WDR20: variants seen among roughly 807,000 people sequenced by gnomAD.
WDR20 encodes WD repeat domain 20, also known as WD repeat-containing protein 20.
In WDR20, 3 loss-of-function variants were observed where a neutral mutation model predicts 38.7. The observed-to-expected ratio is 0.08, with a 90% confidence interval of 0.04 to 0.20. The LOEUF is 0.20. Ranked by LOEUF, WDR20 falls within the 10% of genes least tolerant of loss-of-function variation. WDR20 has a pLI of 1.00. For missense variants in WDR20, 559 were observed against 727.7 expected (o/e 0.77, Z 2.67); for synonymous variants, 298 against 285.6 (o/e 1.04, Z -0.44).
At chr14:102,219,342 G>A (rs1052970135), downstream of WDR20, among the ~76,000 whole-genome samples, 4 of 152,222 alleles carry the variant, frequency 2.6e-5, no homozygotes, top group African/African-American at 7.2e-5. Context: ...CCAGTGACTC[G>A]CACAAGTCCT....
At chr14:102,190,818 T>C (rs1441524676) in intron 1 of WDR20, among the ~76,000 whole-genome samples, 3 of 151,954 alleles carry the variant, frequency 2.0e-5, no homozygotes, top group Non-Finnish European at 4.4e-5. Context: ...ATGGCCAACA[T>C]GGTAAAACCC....
At chr14:102,142,774 CTTTTTTTTTT>C (rs71116885) in intron 1 of WDR20, among the ~76,000 whole-genome samples, 12 of 85,038 alleles carry the variant, frequency 1.4e-4, no homozygotes, top group East Asian at 7.3e-4. Flanking sequence ...GCTGTTTTGA[CTTTTTTTTTT>C]TTTTTTTTTT....
intron 1 of WDR20, among the ~76,000 whole-genome samples, chr14:102,194,269 C>T (rs1030277729): frequency 5.9e-5 from 9 of 152,162 alleles, no homozygotes; most frequent in Non-Finnish European, 8.8e-5. Context: ...TAATGTTCCC[C>T]GAAACCTAAT....
chr14:102,187,561 C>T (rs539607410), intron 1 of WDR20, among the ~76,000 whole-genome samples: 3 of 150,212 alleles, frequency 2.0e-5, no homozygotes, highest in South Asian at 2.1e-4. Flanking sequence ...TGTGGAGGGG[C>T]GGGGGTGATA....
At chr14:102,194,356 G>A (rs866147763) in intron 1 of WDR20, among the ~76,000 whole-genome samples, 1 of 152,182 alleles carries the variant, frequency 6.6e-6, no homozygotes, top group Non-Finnish European at 1.5e-5. Flanking sequence ...AGACTTGAGC[G>A]GGCATCAGAA....
At chr14:102,218,929 C>T (rs1157722859), downstream of WDR20, among the ~76,000 whole-genome samples, 1 of 152,224 alleles carries the variant, frequency 6.6e-6, no homozygotes, top group Non-Finnish European at 1.5e-5. Context: ...TTGCCAGGTC[C>T]TCCGTCGGCC....
chr14:102,181,792 T>C (rs1437506742), intron 1 of WDR20, among the ~76,000 whole-genome samples: 2 of 152,094 alleles, frequency 1.3e-5, no homozygotes, highest in Non-Finnish European at 2.9e-5. Context: ...CCATAGCATA[T>C]GTGGAATTGT....
At chr14:102,139,446 G>A, upstream of WDR20, 1 of 1,497,622 alleles carries the variant, frequency 6.7e-7, no homozygotes, top group South Asian at 1.3e-5. Context: ...GCTCCGAAGC[G>A]GTGGCCGTCG....
intron 1 of WDR20, among the ~76,000 whole-genome samples, chr14:102,147,906 T>C (rs1595836299): frequency 6.6e-6 from 1 of 152,266 alleles, no homozygotes; most frequent in Admixed American, 6.5e-5. Context: ...AATTTTTGTC[T>C]TTTTAGTAGA....
chr14:102,173,329 G>T (rs930567577), intron 1 of WDR20, among the ~76,000 whole-genome samples: 13 of 147,372 alleles, frequency 8.8e-5, no homozygotes, highest in Admixed American at 7.5e-4. Context: ...GCCCAGGCTG[G>T]TCTCAAACTC....
intron 1 of WDR20, among the ~76,000 whole-genome samples, chr14:102,184,840 G>A (rs957929060): frequency 1.5e-4 from 23 of 152,086 alleles, no homozygotes; most frequent in African/African-American, 5.1e-4. Context: ...GCCTTGCTGC[G>A]GCTAAACGCA....
At chr14:102,214,340 G>A (rs1359566545), downstream of WDR20, 1 of 985,360 alleles carries the variant, frequency 1.0e-6, no homozygotes, top group Non-Finnish European at 1.2e-6. Context: ...GCGACCCCAA[G>A]TGATGTCCCA....
At chr14:102,144,525 T>C (rs1386146611) in intron 1 of WDR20, among the ~76,000 whole-genome samples, 1 of 151,322 alleles carries the variant, frequency 6.6e-6, no homozygotes, top group Non-Finnish European at 1.5e-5. Context: ...GGATAAAAGA[T>C]GCCAAAGGTA....
downstream of WDR20, among the ~76,000 whole-genome samples, chr14:102,217,891 C>T (rs150925543): frequency 3.2e-4 from 49 of 152,378 alleles, 1 homozygote; most frequent in African/African-American, 7.7e-4. Context: ...ACATTTAACT[C>T]GTGTTCTCCC....
downstream of WDR20, among the ~76,000 whole-genome samples, chr14:102,215,844 A>G (rs899522207): frequency 5.9e-5 from 9 of 152,170 alleles, no homozygotes; most frequent in Non-Finnish European, 1.0e-4. Flanking sequence ...TTGTCTTACT[A>G]TGAAATACCA....
Position 102,209,002 on chromosome 14 carries a change from G to A in WDR20, c.832G>A (p.Val278Met), listed in dbSNP as rs1597016446. ...CTGGAGCCCGGATGGCAAGTACATC[G>A]TGACAGGTGGGGAGGACGACTTGGT... ...VCWSPDGKYI[V>M]TGGEDDLVTV... Residue 278 changes from valine (V) to methionine (M), a missense_variant, in exon 3 of 3, where the codon GTG (valine) becomes ATG (methionine). Physicochemically the swap from Val to Met is conservative, Grantham distance 21. Coordinates refer to ENST00000342702, the MANE Select transcript of WDR20 (RefSeq NM_144574.4). The surrounding 1 kb of genome is among the most constrained non-coding windows in gnomAD (Gnocchi z 6.0). 3 of 1,614,194 alleles carry A rather than the reference G, an allele frequency of 1.9e-6. No individual in the cohort carries two copies. Among genetic ancestry groups the A allele is most frequent in the South Asian group, 2.2e-5 (2 of 91,084 alleles).
At chr14:102,203,166 G>C (rs1485915341) in intron 2 of WDR20, among the ~76,000 whole-genome samples, 1 of 152,148 alleles carries the variant, frequency 6.6e-6, no homozygotes. Flanking sequence ...TCTAGAAACT[G>C]TCTGTGCCTC....
Position 102,207,892 on chromosome 14 carries a change from G to T in WDR20, c.433-711G>T, listed in dbSNP as rs1441470819. Among the ~76,000 whole-genome samples, 1 of 152,202 alleles carries T rather than the reference G, an allele frequency of 6.6e-6. No homozygotes were observed. Among genetic ancestry groups the T allele is most frequent in the Non-Finnish European group, 1.5e-5 (1 of 68,018 alleles). On this transcript the variant is annotated intron_variant, in intron 2 of 2. Transcript: ENST00000342702. This position sits in a 1 kb window ranked among gnomAD's most constrained non-coding sequence, Gnocchi z 5.0. The stretch of plus-strand genomic sequence containing the variant: ...GCATATGGAGCAGAGTGATGGTAAT[G>T]AGACACACACTCCCGAATGAATCGT...
chr14:102,184,820 G>A (rs1046579445), intron 1 of WDR20, among the ~76,000 whole-genome samples: 31 of 151,978 alleles, frequency 2.0e-4, no homozygotes, highest in African/African-American at 2.2e-4. Context: ...TCTCTGTGCC[G>A]CCTCTCAAAG....
Sources: allele counts gnomAD v4.1 joint callset (sites outside exome capture counted in the v4.1 genomes callset), GRCh38; gene constraint gnomAD v4.1.1; non-coding constraint Gnocchi (gnomAD v3.1); transcripts MANE v1.5; gene names NCBI Gene and HGNC (gene_info 2026-07-23, HGNC 2026-07-21).